The following ADAMTS12 variants were observed in gnomAD, a reference collection of about 807,000 sequenced individuals.
ADAMTS12 encodes the protein A disintegrin and metalloproteinase with thrombospondin motifs 12.
ADAMTS12 carries 118 observed loss-of-function variants against 167.8 expected under a neutral mutation model. The ratio of observed to expected loss-of-function variants is 0.70; its 90% confidence interval spans 0.61 to 0.82. ADAMTS12 has a LOEUF of 0.82. Among genes scored for constraint, ADAMTS12 ranks in the 40% least tolerant of loss-of-function variants. The pLI is 0.00. For missense variants in ADAMTS12, 1,916 were observed against 1,998.8 expected, an observed-to-expected ratio of 0.96 and a Z score of 0.79; for synonymous variants, 704 against 716.9, an observed-to-expected ratio of 0.98 and a Z score of 0.29.
chr5:33,848,705 G>A (rs1170328578), intron 2 of ADAMTS12, among the ~76,000 whole-genome samples: 1 of 152,152 alleles, frequency 6.6e-6, no homozygotes, highest in Non-Finnish European at 1.5e-5. Flanking sequence ...ATGCAAGCAG[G>A]CTTCTATTCT....
intron 7 of ADAMTS12, among the ~76,000 whole-genome samples, chr5:33,653,991 T>C (rs1740955199): frequency 6.6e-6 from 1 of 152,200 alleles, no homozygotes; most frequent in Admixed American, 6.5e-5. Flanking sequence ...CTGTTCAATT[T>C]CTTTTAGTCT....
chr5:33,717,547 C>T (rs970339655), intron 3 of ADAMTS12, among the ~76,000 whole-genome samples: 5 of 152,278 alleles, frequency 3.3e-5, no homozygotes, highest in African/African-American at 1.2e-4. Context: ...AGAGCAGGGA[C>T]TGAAACAGCC....
At chr5:33,871,162 G>A (rs995844357) in intron 2 of ADAMTS12, among the ~76,000 whole-genome samples, 1 of 152,042 alleles carries the variant, frequency 6.6e-6, no homozygotes, top group African/African-American at 2.4e-5. Flanking sequence ...TAGAAAATTT[G>A]AATAGCCCTA....
chr5:33,668,531 TCTCA>T (rs1349315715), intron 5 of ADAMTS12, among the ~76,000 whole-genome samples: 10 of 152,134 alleles, frequency 6.6e-5, no homozygotes, highest in Non-Finnish European at 5.9e-5. Context: ...TGAGGCAGGG[TCTCA>T]CTCTGTCGCC....
intron 18 of ADAMTS12, among the ~76,000 whole-genome samples, chr5:33,582,445 C>T (rs1397225083): frequency 6.6e-6 from 1 of 152,188 alleles, no homozygotes; most frequent in African/African-American, 2.4e-5. Context: ...TGCTCTCTTC[C>T]CTCGGGTGGC....
chr5:33,582,078 T>G (rs1404059286), intron 18 of ADAMTS12, among the ~76,000 whole-genome samples: 1 of 152,154 alleles, frequency 6.6e-6, no homozygotes, highest in East Asian at 1.9e-4. Context: ...TTCCTGTTGT[T>G]TAATCTGCCC....
intron 3 of ADAMTS12, among the ~76,000 whole-genome samples, chr5:33,722,577 T>C (rs1046416450): frequency 3.9e-5 from 6 of 152,344 alleles, no homozygotes; most frequent in Non-Finnish European, 8.8e-5. Flanking sequence ...ATCTTCCTAA[T>C]ATTTTCTTAG....
chr5:33,882,200 G>GA (rs1247632842), intron 1 of ADAMTS12, among the ~76,000 whole-genome samples: 15 of 151,602 alleles, frequency 9.9e-5, no homozygotes, highest in Non-Finnish European at 1.6e-4. Context: ...AGATTAGAGG[G>GA]AAAAAAAACA....
intron 7 of ADAMTS12, among the ~76,000 whole-genome samples, chr5:33,657,168 G>A (rs990339455): frequency 2.6e-5 from 4 of 152,288 alleles, no homozygotes; most frequent in East Asian, 3.9e-4. Flanking sequence ...TATAATGTAG[G>A]TAAAATTGTT....
Position 33,549,598 on chromosome 5 carries a change from C to G in ADAMTS12, c.4126-215G>C, listed in dbSNP as rs573057207. On this transcript the variant is annotated intron_variant, in intron 20 of 23. Coordinates refer to ENST00000504830, the MANE Select transcript of ADAMTS12 (RefSeq NM_030955.4). ...CATGCATAGGAGTGTTTCTGCCACTCGCTAGTCTTGAGCCCTTGGGCCTGT... is the reference window on the plus strand; with the variant it reads ...CATGCATAGGAGTGTTTCTGCCACTGGCTAGTCTTGAGCCCTTGGGCCTGT... Among the ~76,000 whole-genome samples the G allele has an allele frequency of 3.9e-5, 6 of 152,354 alleles. No individual in the cohort carries two copies. In the East Asian group the frequency reaches 1.2e-3, roughly 29 times the overall value.
At chr5:33,817,782 TAGTC>T (rs756009660) in intron 2 of ADAMTS12, among the ~76,000 whole-genome samples, 26 of 152,288 alleles carry the variant, frequency 1.7e-4, no homozygotes, top group African/African-American at 4.8e-4. Context: ...ATTTATCAAA[TAGTC>T]AGTCAGTATT....
chr5:33,755,150 A>AC (rs1745124717), intron 2 of ADAMTS12, among the ~76,000 whole-genome samples: 1 of 152,190 alleles, frequency 6.6e-6, no homozygotes, highest in Non-Finnish European at 1.5e-5. Flanking sequence ...GCCTATTTTG[A>AC]ATTCTTTGGA....
At chr5:33,577,181 T>C in intron 18 of ADAMTS12, 21 bp from the exon 19 acceptor site, 1 of 1,613,884 alleles carries the variant, frequency 6.2e-7, no homozygotes, top group East Asian at 2.2e-5. Flanking sequence ...GAAACAGCTG[T>C]TAGCCTGGCG....
chr5:33,543,525 C>T (rs932912078), intron 22 of ADAMTS12, among the ~76,000 whole-genome samples: 2 of 152,198 alleles, frequency 1.3e-5, no homozygotes, highest in Non-Finnish European at 2.9e-5. Flanking sequence ...AGGCCAGCAT[C>T]ATCCTGATAC....
intron 2 of ADAMTS12, among the ~76,000 whole-genome samples, chr5:33,826,331 T>A (rs1748068536): frequency 6.6e-6 from 1 of 152,002 alleles, no homozygotes; most frequent in South Asian, 2.1e-4. Context: ...GGCAAATGAT[T>A]AGCTGCCCAC....
intron 7 of ADAMTS12, among the ~76,000 whole-genome samples, chr5:33,656,773 C>T (rs1429571957): frequency 5.3e-5 from 8 of 152,190 alleles, no homozygotes; most frequent in African/African-American, 1.9e-4. Flanking sequence ...GAACTGGGGA[C>T]TCCTGTCTGT....
At chr5:33,605,818 A>G (rs1166995973) in intron 16 of ADAMTS12, among the ~76,000 whole-genome samples, 3 of 152,228 alleles carry the variant, frequency 2.0e-5, no homozygotes, top group African/African-American at 7.2e-5. Context: ...TTTAATTCTC[A>G]TACCAACCAT....
chr5:33,692,516 A>G (rs1367147544), intron 3 of ADAMTS12, among the ~76,000 whole-genome samples: 1 of 152,220 alleles, frequency 6.6e-6, no homozygotes. Context: ...CACTTAGAAT[A>G]GTTCCTTCTA....
chr5:33,827,308 G>A (rs917497866), intron 2 of ADAMTS12, among the ~76,000 whole-genome samples: 12 of 151,580 alleles, frequency 7.9e-5, no homozygotes, highest in Non-Finnish European at 1.5e-4. Flanking sequence ...TCTAAAAGTC[G>A]ATGGTGTCAC....
Sources: allele counts gnomAD v4.1 joint callset (sites outside exome capture counted in the v4.1 genomes callset), GRCh38; gene constraint gnomAD v4.1.1; transcripts MANE v1.5; gene names NCBI Gene and HGNC (gene_info 2026-07-23, HGNC 2026-07-21).